The following CPNE8 variants were observed in gnomAD, a reference collection of about 807,000 sequenced individuals.
The protein encoded by CPNE8 is copine 8.
Under a neutral mutation model 81.5 loss-of-function variants are expected in CPNE8, and 45 were observed. That is an observed-to-expected ratio of 0.55 (90% confidence interval 0.44 to 0.71). CPNE8 has a LOEUF of 0.71. CPNE8 is among the 30% of genes least tolerant of loss of function. The pLI, the probability that CPNE8 is intolerant of heterozygous loss-of-function variation, is 0.00. For missense variants in CPNE8, 594 were observed against 672.1 expected, an observed-to-expected ratio of 0.88 and a Z score of 1.28; for synonymous variants, 252 against 226.3, an observed-to-expected ratio of 1.11 and a Z score of -1.02.
chr12:38,677,410 G>A (rs140116968), intron 17 of CPNE8, 42 bp downstream of exon 17: 14,613 of 1,031,578 alleles, frequency 0.014, 161 homozygotes, highest in Non-Finnish European at 0.018. Flanking sequence ...GTAGCACCAT[G>A]TTGTCACGTA....
intron 6 of CPNE8, among the ~76,000 whole-genome samples, chr12:38,784,248 G>A (rs1942120693): frequency 6.6e-6 from 1 of 152,166 alleles, no homozygotes; most frequent in Admixed American, 6.5e-5. Flanking sequence ...GTCTTTTAAT[G>A]GCAGAGTTGA....
At chr12:38,817,028 AATG>A (rs1182331494) in intron 6 of CPNE8, among the ~76,000 whole-genome samples, 1 of 152,230 alleles carries the variant, frequency 6.6e-6, no homozygotes. Context: ...TAAACGAATG[AATG>A]AATACAAACA....
At chr12:38,843,772 C>A (rs774966628) in intron 4 of CPNE8, among the ~76,000 whole-genome samples, 1 of 152,062 alleles carries the variant, frequency 6.6e-6, no homozygotes, top group Admixed American at 6.6e-5. Flanking sequence ...ATTTTTTGGA[C>A]GGTAGGAGAC....
At chr12:38,784,784 T>C (rs1942139835) in intron 6 of CPNE8, among the ~76,000 whole-genome samples, 1 of 152,104 alleles carries the variant, frequency 6.6e-6, no homozygotes, top group Non-Finnish European at 1.5e-5. Flanking sequence ...CTGGTGAAAG[T>C]ATCCTTCAAA....
At chr12:38,757,715 T>C (rs1424601871) in intron 10 of CPNE8, among the ~76,000 whole-genome samples, 1 of 152,080 alleles carries the variant, frequency 6.6e-6, no homozygotes, top group African/African-American at 2.4e-5. Context: ...TAGATCTATT[T>C]TTGGAATAAT....
At position 38,685,800 on chromosome 12, in the gene CPNE8, A is replaced by C. The variant is rs890265974; in HGVS notation, c.1144-183T>G. Reference sequence around the variant, plus strand: ...AGTAAGTGATCAACAATCGATTATGATATATTATGTAGATAATAACATGAT... The same window carrying C: ...AGTAAGTGATCAACAATCGATTATGCTATATTATGTAGATAATAACATGAT... On this transcript the variant is annotated intron_variant, in intron 15 of 19. Transcript: ENST00000331366. 4.4e-5 allele frequency: 22 copies of C among 500,802 alleles called. 1 individual carries two copies. The South Asian group carries it at 5.2e-4, about 12-fold the overall frequency. The allele number at this position is 500,802 out of a possible 1,614,324, so 31.0% of individuals were successfully genotyped here. A position where few individuals can be genotyped will look rare whatever the true frequency, so the allele number is the denominator to read the frequency against.
intron 10 of CPNE8, among the ~76,000 whole-genome samples, chr12:38,743,673 C>T (rs1305495567): frequency 1.3e-5 from 2 of 152,014 alleles, no homozygotes; most frequent in East Asian, 3.9e-4. Flanking sequence ...CTAAGAATGT[C>T]ACAGTTGAAC....
intron 6 of CPNE8, among the ~76,000 whole-genome samples, chr12:38,779,523 T>C (rs975947260): frequency 3.3e-5 from 5 of 152,106 alleles, no homozygotes; most frequent in Non-Finnish European, 4.4e-5. Context: ...AAAAAATGTA[T>C]CCTAATAATT....
At chr12:38,692,166 G>A (rs756740601) in intron 15 of CPNE8, among the ~76,000 whole-genome samples, 20 of 152,022 alleles carry the variant, frequency 1.3e-4, no homozygotes, top group Non-Finnish European at 2.5e-4. Flanking sequence ...ATGCATGCCT[G>A]TAATCCTAGC....
At chr12:38,711,588 C>T (rs1711657153) in intron 13 of CPNE8, among the ~76,000 whole-genome samples, 2 of 152,082 alleles carry the variant, frequency 1.3e-5, no homozygotes, top group Non-Finnish European at 2.9e-5. Flanking sequence ...CCTGCCTCAG[C>T]CTCCCAAGTA....
At chr12:38,795,418 G>C (rs1565619768) in intron 6 of CPNE8, among the ~76,000 whole-genome samples, 1 of 152,106 alleles carries the variant, frequency 6.6e-6, no homozygotes, top group Admixed American at 6.5e-5. Context: ...AGAGATATTT[G>C]CACACCTATG....
intron 6 of CPNE8, among the ~76,000 whole-genome samples, chr12:38,806,830 A>G (rs1320536157): frequency 6.7e-6 from 1 of 149,900 alleles, no homozygotes; most frequent in African/African-American, 2.4e-5. Flanking sequence ...TTTGCAGATG[A>G]CATGCTGGTA....
intron 6 of CPNE8, among the ~76,000 whole-genome samples, chr12:38,807,514 T>C (rs1942837510): frequency 6.6e-6 from 1 of 150,642 alleles, no homozygotes; most frequent in African/African-American, 2.4e-5. Context: ...GGATTCCCTA[T>C]TTAATAAATT....
chr12:38,835,305 T>C (rs1046850149), intron 5 of CPNE8, among the ~76,000 whole-genome samples: 3 of 152,184 alleles, frequency 2.0e-5, no homozygotes, highest in Non-Finnish European at 4.4e-5. Context: ...AGGTGATAAA[T>C]GGCATAGAAC....
intron 10 of CPNE8, among the ~76,000 whole-genome samples, chr12:38,738,939 A>G (rs1023692378): frequency 6.6e-6 from 1 of 150,588 alleles, no homozygotes. Context: ...TCAGCCTCCC[A>G]AGTAGCTGGG....
intron 3 of CPNE8, among the ~76,000 whole-genome samples, chr12:38,849,532 A>G (rs1194725316): frequency 6.6e-6 from 1 of 152,232 alleles, no homozygotes; most frequent in South Asian, 2.1e-4. Flanking sequence ...ATGAAATATT[A>G]TCTTTTTAAT....
chr12:38,723,712 C>T (rs1226628937), intron 13 of CPNE8, 60 bp downstream of exon 13: 5 of 1,031,184 alleles, frequency 4.8e-6, no homozygotes, highest in Non-Finnish European at 7.6e-6. Context: ...CGTGGTAGCG[C>T]TTGTTACACA....
At chr12:38,778,156 C>G (rs1212626407) in intron 6 of CPNE8, among the ~76,000 whole-genome samples, 1 of 152,096 alleles carries the variant, frequency 6.6e-6, no homozygotes, top group Non-Finnish European at 1.5e-5. Flanking sequence ...ATGTAATGCA[C>G]TTGAATCATC....
chr12:38,735,753 T>C (rs540644358), intron 10 of CPNE8, among the ~76,000 whole-genome samples: 1 of 152,076 alleles, frequency 6.6e-6, no homozygotes, highest in African/African-American at 2.4e-5. Flanking sequence ...TATGAGCCAA[T>C]CTCTGTCTAA....
Sources: allele counts gnomAD v4.1 joint callset (sites outside exome capture counted in the v4.1 genomes callset), GRCh38; gene constraint gnomAD v4.1.1; transcripts MANE v1.5; gene names NCBI Gene and HGNC (gene_info 2026-07-23, HGNC 2026-07-21).